DISP1: variants seen among roughly 807,000 people sequenced by gnomAD.
DISP1 encodes the protein dispatched RND transporter family member 1.
In DISP1, 30 loss-of-function variants were observed where a neutral mutation model predicts 37.3. The ratio of observed to expected loss-of-function variants is 0.80; its 90% CI spans 0.60 to 1.09. DISP1 has a LOEUF of 1.09. DISP1 is among the 50% of genes least tolerant of loss of function. The pLI is 0.00. For synonymous variants in DISP1, 634 were observed against 690.2 expected, an observed-to-expected ratio of 0.92 and a Z score of 1.28; for missense variants, 1,598 against 1,879.5, an observed-to-expected ratio of 0.85 and a Z score of 2.77.
chr1:222,942,930 C>G lies in DISP1; in HGVS notation c.107C>G (p.Ala36Gly). The G allele has an allele frequency of 6.2e-7, 1 of 1,614,160 alleles. No individual in the cohort carries two copies. Among genetic ancestry groups the G allele is most frequent in the Non-Finnish European group, 8.5e-7 (1 of 1,180,006 alleles). Residue 36 changes from alanine to glycine, a missense_variant, in exon 3 of 9, where the codon GCA becomes GGA. Coordinates refer to ENST00000675850, the MANE Select transcript of DISP1 (RefSeq NM_001377229.1). ...CTCACCCCCTGTGATGGAGACCATG[C>G]AGCCCAGCAGCTCACACCCAAAGAA... ...SPLTPCDGDHAAQQLTPKEAT... is the reference protein window; with the variant it reads ...SPLTPCDGDHGAQQLTPKEAT...
At chr1:222,948,918 A>G in intron 3 of DISP1, among the ~76,000 whole-genome samples, 1 of 152,228 alleles carries the variant, frequency 6.6e-6, no homozygotes, top group Admixed American at 6.5e-5. Flanking sequence ...TGTTTTAAAG[A>G]ATCAATCAGA....
chr1:222,933,575 A>G (rs1305405734), intron 2 of DISP1, among the ~76,000 whole-genome samples: 3 of 151,990 alleles, frequency 2.0e-5, no homozygotes, highest in African/African-American at 4.8e-5. Context: ...ATAGATCTTC[A>G]AATATATAAT....
At chr1:222,855,529 CGTTATTAT>C (rs2125316669) in intron 1 of DISP1, among the ~76,000 whole-genome samples, 1 of 152,244 alleles carries the variant, frequency 6.6e-6, no homozygotes, top group East Asian at 1.9e-4. Flanking sequence ...ACATGGAAAT[CGTTATTAT>C]ATACTAGCAG....
intron 1 of DISP1, among the ~76,000 whole-genome samples, chr1:222,914,661 ATAAGT>A (rs3028455): frequency 0.34 from 51,102 of 151,736 alleles, 8,724 homozygotes; most frequent in East Asian, 0.52. Context: ...AAAGGTGTAA[ATAAGT>A]TAAGATCATA....
At chr1:222,985,098 G>A (rs1050071656) in intron 4 of DISP1, among the ~76,000 whole-genome samples, 2 of 152,058 alleles carry the variant, frequency 1.3e-5, no homozygotes, top group African/African-American at 4.8e-5. Context: ...AAGTAAATAC[G>A]GCATATTAAG....
intron 1 of DISP1, among the ~76,000 whole-genome samples, chr1:222,861,762 AC>A (rs1014915885): frequency 6.6e-6 from 1 of 152,216 alleles, no homozygotes; most frequent in Non-Finnish European, 1.5e-5. Context: ...AGCAAGTTAT[AC>A]TTTTTTTCTG....
At chr1:222,984,699 A>T (rs1040171276) in intron 4 of DISP1, among the ~76,000 whole-genome samples, 41 of 152,104 alleles carry the variant, frequency 2.7e-4, no homozygotes, top group African/African-American at 9.6e-4. Flanking sequence ...ATGTACATTC[A>T]CATTGTTGTC....
chr1:222,872,774 G>T (rs1669665616), intron 1 of DISP1, among the ~76,000 whole-genome samples: 1 of 151,966 alleles, frequency 6.6e-6, no homozygotes, highest in African/African-American at 2.4e-5. Context: ...TTTATTTCCT[G>T]CAGTTCTGCT....
chr1:222,936,827 TATA>T (rs1558340054), intron 2 of DISP1, among the ~76,000 whole-genome samples: 1 of 50,056 alleles, frequency 2.0e-5, no homozygotes, highest in African/African-American at 8.0e-5. Context: ...ATATAATATA[TATA>T]AATTATATAT....
At chr1:222,834,659 T>A in intron 1 of DISP1, among the ~76,000 whole-genome samples, 1 of 152,220 alleles carries the variant, frequency 6.6e-6, no homozygotes, top group East Asian at 1.9e-4. Context: ...TCAGCATTCC[T>A]GTGGTGATAG....
At chr1:222,909,408 C>G (rs1672087605) in intron 1 of DISP1, among the ~76,000 whole-genome samples, 1 of 152,128 alleles carries the variant, frequency 6.6e-6, no homozygotes. Flanking sequence ...CAAGTAAAAC[C>G]TATATGCCAC....
chr1:222,919,370 T>C (rs1362785222), intron 1 of DISP1, among the ~76,000 whole-genome samples: 1 of 151,352 alleles, frequency 6.6e-6, no homozygotes, highest in Non-Finnish European at 1.5e-5. Context: ...ATTAGGCACA[T>C]TGAAGCCTGT....
chr1:222,943,209 C>T lies in DISP1; in HGVS notation c.386C>T (p.Pro129Leu), dbSNP rs774186525. 2.5e-6 allele frequency: 4 copies of T among 1,609,736 alleles called. No homozygotes were observed. Among genetic ancestry groups the T allele is most frequent in the Non-Finnish European group, 3.4e-6 (4 of 1,176,552 alleles). The change falls in exon 3 of 9, where the codon CCA becomes CTA. Residue 129 changes from proline (P) to leucine (L), a missense_variant. Physicochemically the swap from Pro to Leu is moderately conservative, Grantham distance 98 (BLOSUM62 -3). Transcript: ENST00000675850. ...TCCGAGTATTCTGCATCTCTTTGTCCAAATCATTCACCTGTGTATCAGACT... is the reference window on the plus strand; with the variant it reads ...TCCGAGTATTCTGCATCTCTTTGTCTAAATCATTCACCTGTGTATCAGACT... Reference protein sequence around the residue: ...PHSEYSASLCPNHSPVYQTTC... With the variant: ...PHSEYSASLCLNHSPVYQTTC...
At chr1:222,890,241 A>C (rs1670866631) in intron 1 of DISP1, among the ~76,000 whole-genome samples, 1 of 152,192 alleles carries the variant, frequency 6.6e-6, no homozygotes, top group Non-Finnish European at 1.5e-5. Context: ...TTTGGTAGAT[A>C]ATTGTTGAAC....
chr1:222,821,989 A>G (rs2125150887), intron 1 of DISP1, among the ~76,000 whole-genome samples: 1 of 151,792 alleles, frequency 6.6e-6, no homozygotes, highest in South Asian at 2.1e-4. Context: ...TTCCACCATG[A>G]TTGTAAGTTT....
intron 2 of DISP1, among the ~76,000 whole-genome samples, chr1:222,937,041 A>G (rs1324858343): frequency 8.9e-6 from 1 of 112,976 alleles, no homozygotes; most frequent in Non-Finnish European, 1.7e-5. Context: ...ATTATATAAT[A>G]TATTATATAT....
intron 1 of DISP1, among the ~76,000 whole-genome samples, chr1:222,867,808 A>G (rs956356365): frequency 1.3e-5 from 2 of 152,232 alleles, no homozygotes; most frequent in Non-Finnish European, 2.9e-5. Context: ...AGATTTATAT[A>G]GGCAATGATC....
At position 222,991,973 on chromosome 1, in the gene DISP1, C is replaced by T. The variant is rs369673072; in HGVS notation, c.792-40C>T. The T allele has an allele frequency of 3.9e-5, 59 of 1,497,836 alleles. No homozygotes were observed. In the African/African-American group the frequency reaches 5.4e-4, roughly 14 times the overall value. The allele number at this position is 1,497,836 out of a possible 1,614,324, so 92.8% of individuals were successfully genotyped here. ...AGTATGCTTATCAGCTTTGAAATAA[C>T]GAGAACTTTATTGAAGATCAAATTG... On this transcript the variant is annotated intron_variant, in intron 6 of 8. Coordinates refer to ENST00000675850, the MANE Select transcript of DISP1 (RefSeq NM_001377229.1).
chr1:222,821,597 C>T (rs1038910820), intron 1 of DISP1, among the ~76,000 whole-genome samples: 3 of 151,966 alleles, frequency 2.0e-5, no homozygotes, highest in Non-Finnish European at 2.9e-5. Flanking sequence ...AGTTTTCGGC[C>T]AGGTGCAGTG....
Sources: gnomAD v4.1 joint callset for allele counts (sites outside exome capture counted in the v4.1 genomes callset) on GRCh38, gnomAD v4.1.1 for gene constraint, MANE v1.5 for transcripts, NCBI Gene and HGNC (gene_info 2026-07-23, HGNC 2026-07-21) for gene names.